CCDC195: variants seen among roughly 807,000 people sequenced by gnomAD.
CCDC195 encodes the protein coiled-coil domain-containing protein 195.
At chr2:224,703,909 G>A (rs1284649256) in intron 2 of CCDC195, 22 bp from the exon 3 acceptor site, 1 of 398,326 alleles carries the variant, frequency 2.5e-6, no homozygotes, top group Non-Finnish European at 4.4e-6. Flanking sequence ...AAAATAAAGG[G>A]AAGAAAAAGA....
chr2:224,710,911 G>T (rs1219115546), intron 1 of CCDC195, among the ~76,000 whole-genome samples: 1 of 152,184 alleles, frequency 6.6e-6, no homozygotes, highest in Non-Finnish European at 1.5e-5. Flanking sequence ...CAATTGTGTG[G>T]CCAGGGAAGA....
At chr2:224,715,000 C>G (rs953731468) in intron 1 of CCDC195, among the ~76,000 whole-genome samples, 1 of 152,098 alleles carries the variant, frequency 6.6e-6, no homozygotes, top group African/African-American at 2.4e-5. Context: ...AAGATCTCAG[C>G]TCACTACAAC....
At chr2:224,708,460 GT>G (rs1252005987) in intron 2 of CCDC195, among the ~76,000 whole-genome samples, 3 of 151,954 alleles carry the variant, frequency 2.0e-5, no homozygotes, top group African/African-American at 7.2e-5. Context: ...CCTCATGTCT[GT>G]TTCGTTCTAC....
At chr2:224,711,354 C>T (rs1278855176) in intron 1 of CCDC195, among the ~76,000 whole-genome samples, 15 of 136,054 alleles carry the variant, frequency 1.1e-4, no homozygotes, top group African/African-American at 4.4e-4. Context: ...TAAATCAAAT[C>T]TTCCCTGTTT....
chr2:224,704,935 C>A (rs1697224204), intron 2 of CCDC195, among the ~76,000 whole-genome samples: 1 of 152,066 alleles, frequency 6.6e-6, no homozygotes, highest in South Asian at 2.1e-4. Context: ...CCAGCTGCAC[C>A]CTCTTTTGGG....
In CCDC195 at chr2:224,713,960, C is replaced by G. The variant is rs1416338939; in HGVS notation, c.235+2171G>C. On this transcript the variant is annotated intron_variant, in intron 1 of 2. Coordinates refer to ENST00000638102, the Ensembl canonical transcript of CCDC195. ...TATAGATGTATGCCATCATGCCTGG[C>G]TAATTTTTTCCTGGCTAATCCTTTT... Among the ~76,000 whole-genome samples the G allele has an allele frequency of 2.0e-5, 3 of 152,118 alleles. No homozygotes were observed. The East Asian group carries it at 5.8e-4, about 29-fold the overall frequency.
chr2:224,710,320 A>G, intron 1 of CCDC195, 101 bp from the exon 2 acceptor site: 1 of 397,100 alleles, frequency 2.5e-6, no homozygotes. Flanking sequence ...AGACAGAACT[A>G]TTGTTTCTCA....
intron 1 of CCDC195, among the ~76,000 whole-genome samples, chr2:224,712,346 G>C (rs1360851813): frequency 6.6e-6 from 1 of 152,200 alleles, no homozygotes; most frequent in Non-Finnish European, 1.5e-5. Context: ...TTGCTTCAAG[G>C]TTCCACAGGG....
At chr2:224,711,548 T>TC (rs1201311581) in intron 1 of CCDC195, among the ~76,000 whole-genome samples, 1 of 152,144 alleles carries the variant, frequency 6.6e-6, no homozygotes, top group African/African-American at 2.4e-5. Context: ...GTTGTCCATG[T>TC]GGCTTACAAC....
At chr2:224,708,075 G>A (rs893818667) in intron 2 of CCDC195, among the ~76,000 whole-genome samples, 1 of 144,868 alleles carries the variant, frequency 6.9e-6, no homozygotes, top group Non-Finnish European at 1.5e-5. Context: ...GGCTGGTCTC[G>A]AACTCCTGGG....
At chr2:224,714,910 C>A (rs1689362378) in intron 1 of CCDC195, among the ~76,000 whole-genome samples, 1 of 152,028 alleles carries the variant, frequency 6.6e-6, no homozygotes, top group Admixed American at 6.6e-5. Flanking sequence ...CATTGTCAAC[C>A]TGTTCAGAGC....
At chr2:224,713,856 C>T (rs1202507071) in intron 1 of CCDC195, among the ~76,000 whole-genome samples, 1 of 143,754 alleles carries the variant, frequency 7.0e-6, no homozygotes, top group East Asian at 2.1e-4. Flanking sequence ...GGCTGGAGTA[C>T]AGTGGTGCAC....
chr2:224,716,081 G>A lies in CCDC195; in HGVS notation c.235+50C>T, dbSNP rs572604919. 114 of 398,016 alleles carry A rather than the reference G, an allele frequency of 2.9e-4. 2 individuals carry two copies. The Admixed American group carries it at 4.0e-3, about 14-fold the overall frequency. The allele number at this position is 398,016 out of a possible 1,614,324, so 24.7% of individuals were successfully genotyped here. Reference sequence around the variant, plus strand: ...AGCACAATACACTTAACTATTTCACGATATTTGCAAAATGGGCACAGCCCA... The same window carrying A: ...AGCACAATACACTTAACTATTTCACAATATTTGCAAAATGGGCACAGCCCA... On this transcript the variant is annotated intron_variant, in intron 1 of 2. Coordinates refer to ENST00000638102, the Ensembl canonical transcript of CCDC195.
At chr2:224,705,470 A>C (rs1290595337) in intron 2 of CCDC195, among the ~76,000 whole-genome samples, 1 of 152,182 alleles carries the variant, frequency 6.6e-6, no homozygotes, top group Non-Finnish European at 1.5e-5. Flanking sequence ...TATTTTGTAA[A>C]ATATTTTCGT....
intron 2 of CCDC195, among the ~76,000 whole-genome samples, chr2:224,704,143 G>A (rs1697210129): frequency 6.6e-6 from 1 of 152,204 alleles, no homozygotes; most frequent in South Asian, 2.1e-4. Context: ...CTATATGGCT[G>A]AGGAATGATT....
intron 2 of CCDC195, among the ~76,000 whole-genome samples, chr2:224,704,725 C>T (rs1406384958): frequency 6.7e-6 from 1 of 149,572 alleles, no homozygotes; most frequent in African/African-American, 2.5e-5. Flanking sequence ...CAGGTTCAAG[C>T]TATTCTTCTG....
intron 1 of CCDC195, among the ~76,000 whole-genome samples, chr2:224,711,517 A>C (rs1328963211): frequency 6.6e-6 from 1 of 152,112 alleles, no homozygotes; most frequent in Non-Finnish European, 1.5e-5. Context: ...TGATTATCCA[A>C]CATCTACTTG....
At chr2:224,710,378 C>T (rs1302383593) in intron 1 of CCDC195, among the ~76,000 whole-genome samples, 159 bp from the exon 2 acceptor site, 3 of 152,178 alleles carry the variant, frequency 2.0e-5, no homozygotes, top group South Asian at 2.1e-4. Context: ...CGCGGTGGCT[C>T]ACACCTGTAA....
intron 2 of CCDC195, among the ~76,000 whole-genome samples, chr2:224,704,349 A>G (rs1457601443): frequency 6.6e-6 from 1 of 152,218 alleles, no homozygotes; most frequent in East Asian, 1.9e-4. Context: ...CAATAGCCCC[A>G]TGCTATCTGA....
Sources: gnomAD v4.1 joint callset for allele counts (sites outside exome capture counted in the v4.1 genomes callset) on GRCh38, gnomAD v4.1.1 for gene constraint, MANE v1.5 for transcripts, NCBI Gene and HGNC (gene_info 2026-07-23, HGNC 2026-07-21) for gene names.